PDCL: variants seen among roughly 807,000 people sequenced by gnomAD.
PDCL encodes the protein phosducin like, also known as phosducin-like protein.
PDCL carries 11 observed loss-of-function variants against 26.7 expected under a neutral mutation model. That is an observed-to-expected ratio of 0.41 (90% CI 0.26 to 0.68). The LOEUF (loss-of-function observed/expected upper bound fraction) is 0.68. Ranked by LOEUF, PDCL falls within the 30% of genes least tolerant of loss-of-function variation. PDCL has a pLI of 0.30. For missense variants in PDCL, 330 were observed against 371.6 expected, an observed-to-expected ratio of 0.89 and a Z score of 0.92; for synonymous variants, 118 against 134.9, an observed-to-expected ratio of 0.87 and a Z score of 0.87.
intron 3 of PDCL, among the ~76,000 whole-genome samples, chr9:122,821,896 AC>A (rs1564268346): frequency 6.6e-6 from 1 of 152,088 alleles, no homozygotes; most frequent in Non-Finnish European, 1.5e-5. Flanking sequence ...AGATTAGGGA[AC>A]AGGGAGTGGG....
chr9:122,824,375 T>A (rs1325550255), intron 2 of PDCL, among the ~76,000 whole-genome samples: 2 of 152,224 alleles, frequency 1.3e-5, no homozygotes, highest in African/African-American at 4.8e-5. Flanking sequence ...AGCTCCTCTC[T>A]TGCTCTCTAT....
chr9:122,826,424 T>A (rs530036268), intron 2 of PDCL, among the ~76,000 whole-genome samples, 192 bp downstream of exon 2: 1 of 152,332 alleles, frequency 6.6e-6, no homozygotes, highest in South Asian at 2.1e-4. Context: ...ATTACCATGC[T>A]GCTATGCACA....
intron 3 of PDCL, among the ~76,000 whole-genome samples, chr9:122,821,565 T>G (rs1206264238): frequency 6.6e-6 from 1 of 152,200 alleles, no homozygotes; most frequent in Non-Finnish European, 1.5e-5. Flanking sequence ...AAGTATTTCC[T>G]CATGTTTCCA....
chr9:122,823,392 C>CTAA (rs566670901), intron 2 of PDCL, among the ~76,000 whole-genome samples, 195 bp from the exon 3 acceptor site: 82 of 152,230 alleles, frequency 5.4e-4, no homozygotes, highest in African/African-American at 1.9e-3. Context: ...AAGGGCCAAG[C>CTAA]TAATGCCCAA....
At chr9:122,824,346 G>A (rs1352138504) in intron 2 of PDCL, among the ~76,000 whole-genome samples, 1 of 152,184 alleles carries the variant, frequency 6.6e-6, no homozygotes, top group Non-Finnish European at 1.5e-5. Context: ...CCGTGTATGA[G>A]CCATTCCATG....
At position 122,818,610 on chromosome 9, in the gene PDCL, C is replaced by T. The variant is rs1355545892; in HGVS notation, c.*1475G>A. ...ATGCACTCTGTTTGTTGACTAAATA[C>T]TTTCAAGACTCTTTTACAGTTAGTC... On this transcript the variant is annotated 3_prime_UTR_variant, in exon 4 of 4. Coordinates refer to ENST00000259467, the MANE Select transcript of PDCL (RefSeq NM_005388.5). 1 of 150,626 alleles carries T rather than the reference C, an allele frequency of 6.6e-6. No homozygotes were observed. The highest frequency in any genetic ancestry group is 1.5e-5 in the Non-Finnish European group (1 of 67,768). The allele number at this position is 150,626 out of a possible 1,614,324, so 9.3% of individuals were successfully genotyped here.
At chr9:122,822,324 G>A (rs1829563495) in intron 3 of PDCL, among the ~76,000 whole-genome samples, 1 of 151,836 alleles carries the variant, frequency 6.6e-6, no homozygotes, top group Admixed American at 6.6e-5. Context: ...GGAGGCTATG[G>A]TGGGAGGGTC....
chr9:122,827,241 C>T (rs1333429989), intron 1 of PDCL, among the ~76,000 whole-genome samples: 2 of 152,096 alleles, frequency 1.3e-5, no homozygotes, highest in African/African-American at 4.8e-5. Context: ...CAGGAAAAAC[C>T]CCAAAAAGAG....
At chr9:122,821,858 T>C (rs188678096) in intron 3 of PDCL, among the ~76,000 whole-genome samples, 8 of 152,210 alleles carry the variant, frequency 5.3e-5, no homozygotes, top group African/African-American at 1.9e-4. Context: ...GCTCCTCTCA[T>C]AAAACCTAAC....
chr9:122,822,127 T>C (rs1829561257), intron 3 of PDCL, among the ~76,000 whole-genome samples: 1 of 152,192 alleles, frequency 6.6e-6, no homozygotes, highest in Non-Finnish European at 1.5e-5. Flanking sequence ...TTAATCCTCT[T>C]ATCTGCTCCC....
chr9:122,825,837 G>C (rs1006617807), intron 2 of PDCL, among the ~76,000 whole-genome samples: 7 of 152,150 alleles, frequency 4.6e-5, no homozygotes. Flanking sequence ...GCAGATGATC[G>C]CTTGAGGCCA....
intron 2 of PDCL, among the ~76,000 whole-genome samples, chr9:122,823,754 C>T (rs1360094028): frequency 6.7e-6 from 1 of 149,580 alleles, no homozygotes; most frequent in Non-Finnish European, 1.5e-5. Flanking sequence ...TCTTTCTGTA[C>T]TTCTATATTA....
chr9:122,827,689 G>T (rs1330082905), intron 1 of PDCL, among the ~76,000 whole-genome samples: 1 of 152,008 alleles, frequency 6.6e-6, no homozygotes, highest in Non-Finnish European at 1.5e-5. Flanking sequence ...CCAAGATCAC[G>T]CCACTGCACT....
chr9:122,823,120 T>A lies in PDCL; in HGVS notation c.250A>T (p.Met84Leu). 6.2e-7 allele frequency: 1 copy of A among 1,614,150 alleles called. No individual in the cohort carries two copies. Among genetic ancestry groups the A allele is most frequent in the Non-Finnish European group, 8.5e-7 (1 of 1,180,028 alleles). Residue 84 changes from methionine (M) to leucine (L), a missense_variant, in exon 3 of 4, where the codon ATG (methionine) becomes TTG (leucine). Physicochemically the swap from Met to Leu is conservative, Grantham distance 15. Coordinates refer to ENST00000259467, the MANE Select transcript of PDCL (RefSeq NM_005388.5). ...GACAGCTTCTTGATCAGCCTTTCCA[T>A]CTCCCGGCACTGCTCCTCCCTCTGC... Reference protein sequence around the residue: ...TEQREEQCREMERLIKKLSMT... With the variant: ...TEQREEQCRELERLIKKLSMT...
At position 122,820,169 on chromosome 9, in the gene PDCL, G is replaced by A. The variant is rs746202627; in HGVS notation, c.822C>T (p.Leu274=). 2 of 1,614,128 alleles carry A rather than the reference G, an allele frequency of 1.2e-6. No individual in the cohort carries two copies. Among genetic ancestry groups the A allele is most frequent in the Non-Finnish European group, 1.7e-6 (2 of 1,180,020 alleles). Residue 274 remains leucine (L), a synonymous_variant, in exon 4 of 4, where the codon CTC becomes CTT. Transcript: ENST00000259467. ...TCAGCACCAAGACTTCCTTTTCTGG[G>A]AGTAATCCAAATTCCTGGAGAAAAG... ...LEAFLQEFGL[L]PEKEVLVLTS...
chr9:122,818,151 C>G lies in PDCL; in HGVS notation c.*1934G>C, dbSNP rs1239755728. Among the ~76,000 whole-genome samples the G allele has an allele frequency of 2.0e-5, 3 of 152,116 alleles. No individual in the cohort carries two copies. Among genetic ancestry groups the G allele is most frequent in the Admixed American group, 1.3e-4 (2 of 15,280 alleles). ...GGCGTGATGGCATGTGCCTGTAGTC[C>G]CAGCTACTCAGGAGGCTGAGGCAGG... On this transcript the variant is annotated 3_prime_UTR_variant, in exon 4 of 4. Transcript: ENST00000259467.
At position 122,820,029 on chromosome 9, in the gene PDCL, C is replaced by G. The variant is rs1829531740; in HGVS notation, c.*56G>C. On this transcript the variant is annotated 3_prime_UTR_variant, in exon 4 of 4. Transcript: ENST00000259467. The stretch of plus-strand genomic sequence containing the variant: ...CAGAAGACAAAGGAACAAAAATAAA[C>G]AATGACGTGTATTCCAACCCAAACA... 5.0e-6 allele frequency: 7 copies of G among 1,406,646 alleles called. No individual in the cohort carries two copies. The Admixed American group carries it at 1.6e-4, about 33-fold the overall frequency. The allele number at this position is 1,406,646 out of a possible 1,614,324, so 87.1% of individuals were successfully genotyped here.
chr9:122,822,068 G>A (rs749011718), intron 3 of PDCL, among the ~76,000 whole-genome samples: 1 of 152,138 alleles, frequency 6.6e-6, no homozygotes, highest in Non-Finnish European at 1.5e-5. Context: ...CTTTGGCTAA[G>A]TGTAATGTCC....
At chr9:122,821,712 G>GA (rs893695796) in intron 3 of PDCL, among the ~76,000 whole-genome samples, 19 of 152,104 alleles carry the variant, frequency 1.2e-4, no homozygotes, top group African/African-American at 4.6e-4. Flanking sequence ...TGATCCATGT[G>GA]ATGATATGAT....
Sources: allele counts gnomAD v4.1 joint callset (sites outside exome capture counted in the v4.1 genomes callset), GRCh38; gene constraint gnomAD v4.1.1; transcripts MANE v1.5; gene names NCBI Gene and HGNC (gene_info 2026-07-23, HGNC 2026-07-21).